The following PCNT variants were observed in gnomAD, a reference collection of about 807,000 sequenced individuals.
The protein encoded by PCNT is kendrin.
PCNT carries 319 observed loss-of-function variants against 380.4 expected under a neutral mutation model. That is an observed-to-expected ratio of 0.84 (90% CI 0.77 to 0.92). PCNT has a LOEUF of 0.92. PCNT is among the 40% of genes least tolerant of loss of function. The pLI is 0.00. For missense variants in PCNT, 4,400 were observed against 4,255.3 expected (o/e 1.03, Z -0.95); for synonymous variants, 1,845 against 1,735.2 (o/e 1.06, Z -1.57).
rs138175397 is a variant in PCNT, at chr21:46,398,239, C to T, written c.4568C>T (p.Ala1523Val). 61 of 1,607,280 alleles carry T rather than the reference C, an allele frequency of 3.8e-5. No individual in the cohort carries two copies. Among genetic ancestry groups the T allele is most frequent in the African/African-American group, 2.4e-4 (18 of 74,826 alleles). Reference sequence around the variant, plus strand: ...CCATGTACATGAAATCGGCAGCAGGCGCCGCTGGATGGAGAGGTGAGGAGG... The same window carrying T: ...CCATGTACATGAAATCGGCAGCAGGTGCCGCTGGATGGAGAGGTGAGGAGG... The part of the protein sequence containing the change: ...QPWGPRDSQQ[A>V]PLDGEVELLQ... Residue 1523 changes from alanine (A) to valine (V), a missense_variant, in exon 24 of 47, where the codon GCG (alanine) becomes GTG (valine). Physicochemically the swap from Ala to Val is moderately conservative, Grantham distance 64. Transcript: ENST00000359568.
intron 3 of PCNT, among the ~76,000 whole-genome samples, chr21:46,336,182 G>C (rs1294572107): frequency 6.6e-6 from 1 of 152,050 alleles, no homozygotes; most frequent in East Asian, 1.9e-4. Context: ...TCATCATATT[G>C]GTCAGACTGG....
chr21:46,440,851 T>C lies in PCNT; in HGVS notation c.9394-4T>C, dbSNP rs2839260. 240,863 of 1,579,672 alleles carry C rather than the reference T, an allele frequency of 0.15. 19,696 individuals carry two copies. Among genetic ancestry groups the C allele is most frequent in the Non-Finnish European group, 0.17 (196,076 of 1,148,834 alleles). On this transcript the variant is annotated splice_polypyrimidine_tract_variant and splice_region_variant and intron_variant, in intron 42 of 46. Transcript: ENST00000359568. ...ATAAAATTTTACTGCTTTTTTTCTT[T>C]TAGATGGAAAAATTGTACCTGCATT...
At chr21:46,402,271 TTAA>T in intron 26 of PCNT, 57 bp from the exon 27 acceptor site, 1 of 1,108,078 alleles carries the variant, frequency 9.0e-7, no homozygotes, top group Non-Finnish European at 1.3e-6. Context: ...GTCTTAATTA[TTAA>T]TATTAATAGA....
rs113460403 is a variant in PCNT, at chr21:46,345,166, G to T, written c.640-962G>T. Among the ~76,000 whole-genome samples the T allele has an allele frequency of 2.9e-4, 44 of 152,312 alleles. 2 individuals are homozygous for T. The highest frequency in any genetic ancestry group is 9.6e-4 in the African/African-American group (40 of 41,578). ...CAGGTTGTTTGTTCCTCCCGTGGCA[G>T]CACTGCTGTGGCGTGGGGAGAGTCC... is the stretch of plus-strand genomic sequence containing the variant. On this transcript the variant is annotated intron_variant, in intron 3 of 46. Transcript: ENST00000359568.
At chr21:46,337,811 A>T (rs974268910) in intron 3 of PCNT, among the ~76,000 whole-genome samples, 1 of 151,416 alleles carries the variant, frequency 6.6e-6, no homozygotes, top group Non-Finnish European at 1.5e-5. Flanking sequence ...TGAACTCCCA[A>T]CCTCAGGTGA....
In PCNT at chr21:46,430,665, G is replaced by T; in HGVS notation, c.8064+8G>T. ...AGTGCCAAGGCCCTGGAGGTAACAG[G>T]GTGTCAGGGCAAGGCAGCCGGCATG... On this transcript the variant is annotated splice_region_variant and intron_variant, in intron 37 of 46. Coordinates refer to ENST00000359568, the MANE Select transcript of PCNT (RefSeq NM_006031.6). 6.4e-7 allele frequency: 1 copy of T among 1,566,910 alleles called. No individual in the cohort carries two copies. Among genetic ancestry groups the T allele is most frequent in the Non-Finnish European group, 8.6e-7 (1 of 1,156,692 alleles).
In PCNT at chr21:46,401,535, C is replaced by CT. The variant is rs575429540; in HGVS notation, c.4792-6dup. 2.2e-3 allele frequency: 3,196 copies of CT among 1,420,556 alleles called. No individual in the cohort carries two copies. Among genetic ancestry groups the CT allele is most frequent in the Non-Finnish European group, 2.5e-3 (2,612 of 1,025,346 alleles). The allele number at this position is 1,420,556 out of a possible 1,614,324, so 88.0% of individuals were successfully genotyped here. On this transcript the variant is annotated splice_polypyrimidine_tract_variant and intron_variant, in intron 25 of 46. Transcript: ENST00000359568. ...CCAAATATTTGCCTAAAATAGAGTTCTTTTTTTTTTAATAGGATAAAGAGG... is the reference window on the plus strand; with the variant it reads ...CCAAATATTTGCCTAAAATAGAGTTCTTTTTTTTTTTAATAGGATAAAGAGG...
chr21:46,410,971 G>A (rs567524818), intron 27 of PCNT, among the ~76,000 whole-genome samples: 1 of 152,236 alleles, frequency 6.6e-6, no homozygotes, highest in Non-Finnish European at 1.5e-5. Flanking sequence ...TTCGTCCCAC[G>A]ATCAGACGTG....
chr21:46,394,286 T>C (rs2086135085), intron 21 of PCNT, among the ~76,000 whole-genome samples: 1 of 152,234 alleles, frequency 6.6e-6, no homozygotes, highest in Non-Finnish European at 1.5e-5. Context: ...GGTGTTGCCA[T>C]CTGTCCCTTT....
intron 25 of PCNT, 64 bp downstream of exon 25, chr21:46,399,860 C>T (rs1438721545): frequency 1.4e-6 from 2 of 1,411,636 alleles, no homozygotes; most frequent in African/African-American, 1.4e-5. Context: ...GGCTTCATCG[C>T]TGAGCTGGCA....
At position 46,385,489 on chromosome 21, in the gene PCNT, C is replaced by T. The variant is rs561261810; in HGVS notation, c.3313-343C>T. On this transcript the variant is annotated intron_variant, in intron 16 of 46. Coordinates refer to ENST00000359568, the MANE Select transcript of PCNT (RefSeq NM_006031.6). ...TTCCCTCCCCTAGCCTCAGGTTCCACCTGGGGATGTTTGTGTATTCTTTTG... is the reference window on the plus strand; with the variant it reads ...TTCCCTCCCCTAGCCTCAGGTTCCATCTGGGGATGTTTGTGTATTCTTTTG... 1.5e-3 allele frequency among the ~76,000 whole-genome samples: 228 copies of T among 152,324 alleles called. 1 individual carries two copies. In the South Asian group the frequency reaches 0.02, roughly 13 times the overall value.
Position 46,363,545 on chromosome 21 carries a change from G to A in PCNT, c.2220G>A (p.Leu740=). The change falls in exon 14 of 47, where the codon CTG becomes CTA. Residue 740 remains leucine, a synonymous_variant. Transcript: ENST00000359568. ...ATAATGCTAAGCAAAAGACTGAGCT[G>A]ATGAAACAGGAATTCCAAAGAAAAG... ...ELNNAKQKTE[L]MKQEFQRKET... 2 of 1,614,018 alleles carry A rather than the reference G, an allele frequency of 1.2e-6. No homozygotes were observed. Among genetic ancestry groups the A allele is most frequent in the Non-Finnish European group, 1.7e-6 (2 of 1,179,986 alleles).
chr21:46,336,415 C>T (rs2083737195), intron 3 of PCNT, among the ~76,000 whole-genome samples: 1 of 152,152 alleles, frequency 6.6e-6, no homozygotes, highest in Non-Finnish European at 1.5e-5. Flanking sequence ...CATTCTGTCC[C>T]CTGGGCTGGA....
At chr21:46,353,780 G>A (rs1278438022) in intron 10 of PCNT, among the ~76,000 whole-genome samples, 1 of 151,256 alleles carries the variant, frequency 6.6e-6, no homozygotes, top group Non-Finnish European at 1.5e-5. Context: ...GTCAGTGGCG[G>A]GCACACTTTC....
chr21:46,391,478 C>G, intron 21 of PCNT, 102 bp downstream of exon 21: 2 of 964,708 alleles, frequency 2.1e-6, no homozygotes, highest in Non-Finnish European at 3.1e-6. Context: ...TCTAGAGGGT[C>G]AAGTGTAAAC....
At chr21:46,336,959 TAA>T in intron 3 of PCNT, among the ~76,000 whole-genome samples, 1 of 148,018 alleles carries the variant, frequency 6.8e-6, no homozygotes, top group East Asian at 2.0e-4. Flanking sequence ...TTATTTACTT[TAA>T]AAAAAAAAAT....
At chr21:46,416,924 A>G in intron 30 of PCNT, 85 bp downstream of exon 30, 1 of 1,375,854 alleles carries the variant, frequency 7.3e-7, no homozygotes, top group East Asian at 2.5e-5. Context: ...TTGTTTGTTC[A>G]CCTCCTGACA....
intron 14 of PCNT, among the ~76,000 whole-genome samples, chr21:46,365,997 G>C (rs1393467072): frequency 3.3e-5 from 5 of 151,152 alleles, no homozygotes; most frequent in Non-Finnish European, 1.5e-5. Context: ...CACTGCCGTG[G>C]GGTTCTGTTC....
chr21:46,373,320 A>G (rs11701034), intron 15 of PCNT, among the ~76,000 whole-genome samples: 27,676 of 151,404 alleles, frequency 0.18, 2,981 homozygotes, highest in East Asian at 0.4. Flanking sequence ...GGCCTGGACT[A>G]TTATCGGAAT....
Sources: gnomAD v4.1 joint callset for allele counts (sites outside exome capture counted in the v4.1 genomes callset) on GRCh38, gnomAD v4.1.1 for gene constraint, MANE v1.5 for transcripts, NCBI Gene and HGNC (gene_info 2026-07-23, HGNC 2026-07-21) for gene names.